The following VPS13D variants were observed in gnomAD, a reference collection of about 807,000 sequenced individuals.
VPS13D encodes intermembrane lipid transfer protein VPS13D.
VPS13D carries 187 observed loss-of-function variants against 461.9 expected under a neutral mutation model. The ratio of observed to expected loss-of-function variants is 0.40; its 90% CI spans 0.36 to 0.46. VPS13D has a LOEUF of 0.46. VPS13D is among the 20% of genes least tolerant of loss of function. The probability of loss-of-function intolerance (pLI) is 0.60; values close to 1 mark genes in which losing one functional copy is unlikely to be tolerated. For synonymous variants in VPS13D, 1,951 were observed against 1,986.3 expected, an observed-to-expected ratio of 0.98 and a Z score of 0.47; for missense variants, 4,711 against 5,364.9, an observed-to-expected ratio of 0.88 and a Z score of 3.81.
At chr1:12,482,103 C>A (rs1645726657) in intron 67 of VPS13D, among the ~76,000 whole-genome samples, 2 of 152,210 alleles carry the variant, frequency 1.3e-5, no homozygotes, top group South Asian at 4.1e-4. Context: ...GTAAGTCAGG[C>A]AGGCTAGGAA....
chr1:12,343,826 C>A (rs1448158532), intron 42 of VPS13D, among the ~76,000 whole-genome samples: 1 of 152,194 alleles, frequency 6.6e-6, no homozygotes, highest in African/African-American at 2.4e-5. Context: ...TTTATTGCAT[C>A]TTGGCCTGAT....
intron 25 of VPS13D, among the ~76,000 whole-genome samples, chr1:12,301,231 G>A (rs1642416310): frequency 6.6e-6 from 1 of 152,154 alleles, no homozygotes; most frequent in African/African-American, 2.4e-5. Context: ...ATACCAACTT[G>A]TCTATAATTT....
At chr1:12,423,128 A>G (rs947797418) in intron 65 of VPS13D, among the ~76,000 whole-genome samples, 2 of 152,188 alleles carry the variant, frequency 1.3e-5, no homozygotes, top group African/African-American at 2.4e-5. Context: ...AATTGCAACC[A>G]TGGTTTTACT....
chr1:12,245,275 C>A (rs899815510), intron 5 of VPS13D, among the ~76,000 whole-genome samples: 2 of 152,202 alleles, frequency 1.3e-5, no homozygotes, highest in African/African-American at 4.8e-5. Flanking sequence ...CTAGAAGTTT[C>A]TTGCAGTGCC....
At chr1:12,483,195 G>A (rs543796882) in intron 67 of VPS13D, among the ~76,000 whole-genome samples, 2 of 152,186 alleles carry the variant, frequency 1.3e-5, no homozygotes, top group African/African-American at 2.4e-5. Context: ...CCGTGTACCA[G>A]CTCTGGCTAT....
At chr1:12,319,431 T>C in intron 31 of VPS13D, 66 bp from the exon 32 acceptor site, 1 of 1,599,152 alleles carries the variant, frequency 6.3e-7, no homozygotes, top group Non-Finnish European at 8.5e-7. Context: ...CGCTGCCTTG[T>C]TTGCAACAGC....
In VPS13D at chr1:12,277,058, A is replaced by G; in HGVS notation, c.3470A>G (p.Gln1157Arg). The G allele has an allele frequency of 2.5e-6, 4 of 1,614,196 alleles. No homozygotes were observed. The highest frequency in any genetic ancestry group is 1.6e-4 in the Middle Eastern group (1 of 6,062). Reference protein sequence around the residue: ...ERSFREQGTYQSTYEQNTEVA... With the variant: ...ERSFREQGTYRSTYEQNTEVA... ...AGCTTCAGAGAACAAGGAACTTACC[A>G]GTCTACATATGAACAAAACACTGAG... The change falls in exon 19 of 70, where the codon CAG becomes CGG. Residue 1157 changes from glutamine to arginine, a missense_variant. Physicochemically the swap from Gln to Arg is conservative, Grantham distance 43. Around this residue, in one of 3 missense-constraint regions of VPS13D, gnomAD observed 4,411 missense variants for 4,937.8 expected, o/e 0.89. Transcript: ENST00000620676.
chr1:12,407,629 AT>A (rs1354128229), intron 63 of VPS13D, among the ~76,000 whole-genome samples: 1 of 152,236 alleles, frequency 6.6e-6, no homozygotes. Context: ...AGGTGGCAGA[AT>A]AATTCATACC....
intron 1 of VPS13D, among the ~76,000 whole-genome samples, chr1:12,231,503 G>T (rs1329045389): frequency 2.0e-5 from 3 of 152,206 alleles, no homozygotes; most frequent in Non-Finnish European, 2.9e-5. Flanking sequence ...TTTACAAACT[G>T]ACAGTTGTTT....
chr1:12,346,519 T>G (rs1020529539), intron 43 of VPS13D, 86 bp from the exon 44 acceptor site: 1 of 1,421,362 alleles, frequency 7.0e-7, no homozygotes, highest in African/African-American at 1.4e-5. Flanking sequence ...AACACGACCC[T>G]TTGAAGAAAA....
At chr1:12,278,186 A>G (rs1641672016) in intron 19 of VPS13D, 148 bp downstream of exon 19, 3 of 841,008 alleles carry the variant, frequency 3.6e-6, no homozygotes, top group Non-Finnish European at 5.2e-6. Flanking sequence ...TTTTAATAGA[A>G]TGCCTTGTAG....
In VPS13D at chr1:12,321,886, G is replaced by A. The variant is rs757111814; in HGVS notation, c.7626G>A (p.Leu2542=). ...ATCCCGTACAAATTCAAATGGAGTT[G>A]GTGGGGAATTCTTCTTATCAAAATA... ...IVDPVQIQME[L]VGNSSYQNSS... The change falls in exon 33 of 70, where the codon TTG becomes TTA. Residue 2542 remains leucine (L), a synonymous_variant. Coordinates refer to ENST00000620676, the MANE Select transcript of VPS13D (RefSeq NM_015378.4). 1.2e-6 allele frequency: 2 copies of A among 1,613,416 alleles called. No individual in the cohort carries two copies. The highest frequency in any genetic ancestry group is 4.5e-5 in the East Asian group (2 of 44,812).
At chr1:12,494,396 T>C (rs1036954837) in intron 67 of VPS13D, among the ~76,000 whole-genome samples, 32 of 152,228 alleles carry the variant, frequency 2.1e-4, no homozygotes, top group Non-Finnish European at 1.3e-4. Flanking sequence ...GGTAAGGCTC[T>C]GAGGGAGTCC....
chr1:12,379,959 T>C (rs138468418), intron 57 of VPS13D, among the ~76,000 whole-genome samples: 9,023 of 152,060 alleles, frequency 0.059, 388 homozygotes, highest in Admixed American at 0.12. Context: ...TTAGTAGAGA[T>C]GGAGTTTCAC....
Position 12,304,744 on chromosome 1 carries a change from A to G in VPS13D, c.6439+16A>G, listed in dbSNP as rs765339269. On this transcript the variant is annotated intron_variant, in intron 26 of 69. Transcript: ENST00000620676. ...AGTAGTCCAGGTAAAAGAGGAGAAA[A>G]GCAACATAATACTGAAGGTGGGGAA... 4 of 1,613,332 alleles carry G rather than the reference A, an allele frequency of 2.5e-6. No homozygotes were observed. In the South Asian group the frequency reaches 4.4e-5, roughly 18 times the overall value.
chr1:12,493,146 A>G (rs1645907131), intron 67 of VPS13D, among the ~76,000 whole-genome samples: 1 of 150,200 alleles, frequency 6.7e-6, no homozygotes, highest in Admixed American at 6.6e-5. Context: ...TGGGCCTTGA[A>G]CTGAGGATAA....
intron 66 of VPS13D, among the ~76,000 whole-genome samples, chr1:12,458,774 C>T (rs1645364981): frequency 6.6e-6 from 1 of 152,188 alleles, no homozygotes; most frequent in Non-Finnish European, 1.5e-5. Flanking sequence ...TGGCACAGGT[C>T]CTGGAGATGC....
intron 40 of VPS13D, among the ~76,000 whole-genome samples, chr1:12,341,525 A>C (rs926109527): frequency 6.6e-6 from 1 of 152,212 alleles, no homozygotes; most frequent in Non-Finnish European, 1.5e-5. Flanking sequence ...TTAGGTCCTG[A>C]TGCCTTCTTC....
intron 67 of VPS13D, among the ~76,000 whole-genome samples, chr1:12,477,297 T>G (rs76198008): frequency 0.041 from 6,273 of 152,260 alleles, 158 homozygotes; most frequent in Middle Eastern, 0.072. Context: ...TTTCTCTATT[T>G]TGCTTGGGCC....
Sources: gnomAD v4.1 joint callset for allele counts (sites outside exome capture counted in the v4.1 genomes callset) on GRCh38, gnomAD v4.1.1 for gene constraint, gnomAD v4.1.1 regional missense constraint, MANE v1.5 for transcripts, NCBI Gene and HGNC (gene_info 2026-07-23, HGNC 2026-07-21) for gene names.